Variants in DLG2 observed in about 807,000 individuals in gnomAD.
The protein encoded by DLG2 is discs large MAGUK scaffold protein 2, also known as disks large homolog 2.
In DLG2, 45 loss-of-function variants were observed where a neutral mutation model predicts 132.5. The ratio of observed to expected loss-of-function variants is 0.34; its 90% CI spans 0.27 to 0.44. DLG2 has a LOEUF of 0.44. DLG2 is among the 20% of genes least tolerant of loss of function. The pLI is 1.00. For synonymous variants in DLG2, 424 were observed against 419.6 expected (o/e 1.01, Z -0.13); for missense variants, 1,045 against 1,196.9 (o/e 0.87, Z 1.87).
At chr11:84,351,621 C>A (rs2098572700) in intron 7 of DLG2, among the ~76,000 whole-genome samples, 1 of 152,132 alleles carries the variant, frequency 6.6e-6, no homozygotes, top group South Asian at 2.1e-4. Flanking sequence ...GCGCCTGGAA[C>A]ATAGTGGATA....
chr11:84,886,256 T>C (rs1255212148), intron 6 of DLG2, among the ~76,000 whole-genome samples: 1 of 152,112 alleles, frequency 6.6e-6, no homozygotes, highest in Admixed American at 6.6e-5. Context: ...CCCCAAGATA[T>C]TTCCTAGAGC....
At chr11:84,995,111 C>T (rs1296928159) in intron 6 of DLG2, among the ~76,000 whole-genome samples, 1 of 152,164 alleles carries the variant, frequency 6.6e-6, no homozygotes, top group Non-Finnish European at 1.5e-5. Context: ...TCACCATTTA[C>T]TAGCTGGATA....
chr11:83,625,725 C>T (rs2062408322), intron 19 of DLG2, among the ~76,000 whole-genome samples: 1 of 152,140 alleles, frequency 6.6e-6, no homozygotes, highest in Admixed American at 6.5e-5. Flanking sequence ...TGTCTAAATC[C>T]ATTATTAAAT....
chr11:84,856,342 C>T (rs897424143), intron 6 of DLG2, among the ~76,000 whole-genome samples: 2 of 152,060 alleles, frequency 1.3e-5, no homozygotes, highest in Non-Finnish European at 2.9e-5. Flanking sequence ...ACAGTTGGGT[C>T]CCATTAGCAT....
At chr11:83,507,767 T>TATAC (rs2094798949) in intron 21 of DLG2, among the ~76,000 whole-genome samples, 3 of 21,090 alleles carry the variant, frequency 1.4e-4, no homozygotes, top group Non-Finnish European at 2.1e-4. Flanking sequence ...ATTATATATA[T>TATAC]ATATATATAT....
At chr11:85,555,812 T>C (rs1218533233) in intron 3 of DLG2, among the ~76,000 whole-genome samples, 3 of 151,806 alleles carry the variant, frequency 2.0e-5, no homozygotes, top group African/African-American at 7.2e-5. Context: ...CCCTCAGAGA[T>C]GAGAGGAACT....
At chr11:85,541,757 T>A (rs1402098338) in intron 3 of DLG2, among the ~76,000 whole-genome samples, 2 of 152,154 alleles carry the variant, frequency 1.3e-5, no homozygotes, top group Non-Finnish European at 2.9e-5. Context: ...AAATTCTGCA[T>A]CATGAATTCA....
chr11:85,497,995 T>C (rs1350415995), intron 3 of DLG2, among the ~76,000 whole-genome samples: 1 of 152,122 alleles, frequency 6.6e-6, no homozygotes, highest in African/African-American at 2.4e-5. Context: ...GTAAAGACCA[T>C]CGATGCTATG....
chr11:83,995,429 A>G, intron 11 of DLG2, among the ~76,000 whole-genome samples: 1 of 152,148 alleles, frequency 6.6e-6, no homozygotes. Context: ...AGACTTTGAA[A>G]AATTTTAACC....
At chr11:85,224,175 T>C (rs1259116089) in intron 4 of DLG2, among the ~76,000 whole-genome samples, 2 of 152,166 alleles carry the variant, frequency 1.3e-5, no homozygotes, top group African/African-American at 2.4e-5. Flanking sequence ...ATTATGCTGC[T>C]AAAAACCTCT....
intron 7 of DLG2, among the ~76,000 whole-genome samples, chr11:84,399,035 G>A (rs1410840803): frequency 6.6e-6 from 1 of 152,040 alleles, no homozygotes; most frequent in Non-Finnish European, 1.5e-5. Flanking sequence ...AAATTTTAGG[G>A]TTGGTGTTCA....
At position 83,498,774 on chromosome 11, in the gene DLG2, C is replaced by CTT. The variant is rs34217800; in HGVS notation, c.2194-14548_2194-14547dup. Among the ~76,000 whole-genome samples, 67 of 143,444 alleles carry CTT rather than the reference C, an allele frequency of 4.7e-4. 2 individuals carry two copies. In the East Asian group the frequency reaches 0.013, roughly 28 times the overall value. The allele number at this position is 143,444 out of a possible 152,430, so 94.1% of individuals were successfully genotyped here. On this transcript the variant is annotated intron_variant, in intron 21 of 27. Coordinates refer to ENST00000376104, the MANE Select transcript of DLG2 (RefSeq NM_001142699.3). ...ACAAAACAAAGTGGGGAAGAAAAAT[C>CTT]TTTTTTTTTTTTTGCAAAGATTGAT...
At chr11:85,459,056 G>A (rs2092516049) in intron 3 of DLG2, among the ~76,000 whole-genome samples, 1 of 152,104 alleles carries the variant, frequency 6.6e-6, no homozygotes. Context: ...GTGATGAGAG[G>A]GTGTCAGGGA....
chr11:85,224,269 A>G (rs1231476819), intron 4 of DLG2, among the ~76,000 whole-genome samples: 1 of 152,150 alleles, frequency 6.6e-6, no homozygotes, highest in East Asian at 1.9e-4. Context: ...GCAACAGGGG[A>G]GGAGAAAGAA....
chr11:85,502,135 G>A (rs1167866964), intron 3 of DLG2, among the ~76,000 whole-genome samples: 1 of 151,914 alleles, frequency 6.6e-6, no homozygotes, highest in Admixed American at 6.6e-5. Context: ...GGATGAAGCT[G>A]GAAACCATCA....
At chr11:85,226,196 TATA>T (rs1291709172) in intron 4 of DLG2, among the ~76,000 whole-genome samples, 1 of 151,062 alleles carries the variant, frequency 6.6e-6, no homozygotes, top group Non-Finnish European at 1.5e-5. Context: ...AATATAATAA[TATA>T]ATTGTTATAT....
intron 12 of DLG2, among the ~76,000 whole-genome samples, chr11:83,979,025 C>G (rs546648026): frequency 1.8e-4 from 28 of 152,154 alleles, no homozygotes; most frequent in African/African-American, 6.0e-4. Flanking sequence ...AAATGTACTG[C>G]TGTTAGAAAT....
chr11:84,009,955 T>C (rs1310706336), intron 11 of DLG2, among the ~76,000 whole-genome samples: 1 of 152,138 alleles, frequency 6.6e-6, no homozygotes, highest in African/African-American at 2.4e-5. Flanking sequence ...CAAGACTGTC[T>C]GGCAGCAAAG....
chr11:84,608,313 T>C (rs1178919607), intron 6 of DLG2, among the ~76,000 whole-genome samples: 4 of 152,122 alleles, frequency 2.6e-5, no homozygotes, highest in Non-Finnish European at 1.5e-5. Context: ...TCTTCTTTGT[T>C]TGTGTGTTTG....
Sources: gnomAD v4.1 joint callset for allele counts (sites outside exome capture counted in the v4.1 genomes callset) on GRCh38, gnomAD v4.1.1 for gene constraint, MANE v1.5 for transcripts, NCBI Gene and HGNC (gene_info 2026-07-23, HGNC 2026-07-21) for gene names.